The following LRP1B variants were observed in gnomAD, a reference collection of about 807,000 sequenced individuals.
LRP1B encodes the protein LDL receptor related protein 1B.
Under a neutral mutation model 556.6 loss-of-function variants are expected in LRP1B, and 217 were observed. The ratio of observed to expected loss-of-function variants is 0.39; its 90% CI spans 0.35 to 0.44. The LOEUF is 0.44. Ranked by LOEUF, LRP1B falls within the 20% of genes least tolerant of loss-of-function variation. The probability of loss-of-function intolerance (pLI) is 1.00; values close to 1 mark genes in which losing one functional copy is unlikely to be tolerated. For missense variants in LRP1B, 5,053 were observed against 5,620.8 expected (o/e 0.90, Z 3.23); for synonymous variants, 2,047 against 1,865.8 (o/e 1.10, Z -2.50).
rs1353305491 is a variant in LRP1B, at chr2:142,098,486, T to C, written c.82+32162A>G. ...TTTGGAGATTTTTTAAATGGCTCTT[T>C]AATTCGTTTTCGAATTAGAGAACAT... On this transcript the variant is annotated intron_variant, in intron 1 of 90. Transcript: ENST00000389484. 2.0e-5 allele frequency among the ~76,000 whole-genome samples: 3 copies of C among 151,844 alleles called. No homozygotes were observed. The East Asian group carries it at 5.8e-4, about 29-fold the overall frequency.
Position 140,850,198 on chromosome 2 carries a change from C to A in LRP1B, c.4843G>T (p.Ala1615Ser). 1 of 1,613,198 alleles carries A rather than the reference C, an allele frequency of 6.2e-7. No homozygotes were observed. Among genetic ancestry groups the A allele is most frequent in the South Asian group, 1.1e-5 (1 of 91,076 alleles). ...GTCCAGTATAAACGTTCCTCAGATG[C>A]ATCGAAGTCTATCACAGTAACGTCA... Reference protein sequence around the residue: ...IDDVTVIDFDASEERLYWTDI... With the variant: ...IDDVTVIDFDSSEERLYWTDI... Residue 1615 changes from alanine to serine, a missense_variant, in exon 29 of 91, where the codon GCA becomes TCA. Ala to Ser is a moderately conservative substitution (Grantham distance 99, BLOSUM62 1). Transcript: ENST00000389484.
intron 2 of LRP1B, among the ~76,000 whole-genome samples, chr2:141,781,129 G>T (rs1470856586): frequency 6.6e-6 from 1 of 151,956 alleles, no homozygotes; most frequent in Non-Finnish European, 1.5e-5. Context: ...ATTTTTCCTA[G>T]AACTCAAATT....
chr2:140,803,872 C>G (rs564343782), intron 32 of LRP1B, among the ~76,000 whole-genome samples: 1 of 143,134 alleles, frequency 7.0e-6, no homozygotes, highest in South Asian at 2.4e-4. Context: ...CCCCCACCCC[C>G]CCAACCCCCC....
intron 7 of LRP1B, among the ~76,000 whole-genome samples, chr2:141,151,691 G>T (rs1273163132): frequency 6.6e-6 from 1 of 151,932 alleles, no homozygotes; most frequent in African/African-American, 2.4e-5. Context: ...TCCCAGTCTC[G>T]AGCTAGTATT....
intron 84 of LRP1B, among the ~76,000 whole-genome samples, chr2:140,275,861 G>C (rs1024374662): frequency 6.6e-6 from 1 of 151,800 alleles, no homozygotes; most frequent in African/African-American, 2.4e-5. Context: ...TATACCCCTT[G>C]AACATGCATA....
At chr2:141,064,163 C>T (rs1451458907) in intron 7 of LRP1B, among the ~76,000 whole-genome samples, 1 of 151,854 alleles carries the variant, frequency 6.6e-6, no homozygotes, top group African/African-American at 2.4e-5. Flanking sequence ...TGTTCACAGA[C>T]ATCTAAAACA....
intron 47 of LRP1B, 34 bp from the exon 48 acceptor site, chr2:140,526,384 T>C (rs368795771): frequency 2.5e-6 from 3 of 1,187,024 alleles, no homozygotes; most frequent in Non-Finnish European, 3.8e-6. Context: ...AATGCAAAGA[T>C]GGGACAGAAT....
At chr2:140,652,804 T>G (rs1344714884) in intron 41 of LRP1B, among the ~76,000 whole-genome samples, 3 of 152,056 alleles carry the variant, frequency 2.0e-5, no homozygotes, top group Non-Finnish European at 4.4e-5. Flanking sequence ...TGTATCTTGA[T>G]AATGGAAAAA....
chr2:141,163,675 G>C lies in LRP1B; in HGVS notation c.1013+24746C>G, dbSNP rs1472185658. Among the ~76,000 whole-genome samples the C allele has an allele frequency of 3.3e-5, 5 of 151,974 alleles. No homozygotes were observed. The East Asian group carries it at 9.7e-4, about 29-fold the overall frequency. ...ATCTCATGAGATCTGATTTTATAAA[G>C]GGTTTCCCCTTTTATTTGGCTCGCA... On this transcript the variant is annotated intron_variant, in intron 7 of 90. Transcript: ENST00000389484.
At chr2:140,549,871 T>TC (rs758267613) in intron 43 of LRP1B, among the ~76,000 whole-genome samples, 4 of 152,112 alleles carry the variant, frequency 2.6e-5, no homozygotes, top group Non-Finnish European at 5.9e-5. Flanking sequence ...GTTTTTTTTT[T>TC]CAATACTTTA....
At chr2:141,677,929 G>C (rs1217581617) in intron 2 of LRP1B, among the ~76,000 whole-genome samples, 1 of 152,156 alleles carries the variant, frequency 6.6e-6, no homozygotes, top group Admixed American at 6.5e-5. Context: ...GAATGCAAGA[G>C]GTTTGAGTAG....
chr2:140,547,533 C>T (rs1358427452), intron 43 of LRP1B, among the ~76,000 whole-genome samples: 1 of 151,900 alleles, frequency 6.6e-6, no homozygotes, highest in Non-Finnish European at 1.5e-5. Context: ...TTATTTGGAT[C>T]TTTTCTCACT....
At chr2:140,269,856 A>G (rs1682380548) in intron 86 of LRP1B, among the ~76,000 whole-genome samples, 1 of 151,950 alleles carries the variant, frequency 6.6e-6, no homozygotes, top group South Asian at 2.1e-4. Context: ...CATTATACAT[A>G]TGAAAGAATA....
chr2:140,357,426 C>A (rs1333223719), intron 74 of LRP1B, among the ~76,000 whole-genome samples: 1 of 151,014 alleles, frequency 6.6e-6, no homozygotes, highest in East Asian at 2.0e-4. Flanking sequence ...CTTTTGTAAG[C>A]AAACTGAATT....
chr2:140,931,824 G>A (rs1695057904), intron 20 of LRP1B, among the ~76,000 whole-genome samples: 2 of 150,478 alleles, frequency 1.3e-5, no homozygotes, highest in Admixed American at 1.3e-4. Context: ...AAATATAAGT[G>A]GATAGATGTA....
intron 1 of LRP1B, among the ~76,000 whole-genome samples, chr2:141,884,608 T>C (rs1021205628): frequency 1.2e-4 from 19 of 152,202 alleles, no homozygotes; most frequent in Admixed American, 7.2e-4. Context: ...CTGTACTTCA[T>C]CGACTTTATC....
At chr2:140,854,001 G>A (rs1692537060) in intron 27 of LRP1B, among the ~76,000 whole-genome samples, 1 of 146,918 alleles carries the variant, frequency 6.8e-6, no homozygotes, top group Non-Finnish European at 1.5e-5. Flanking sequence ...CATATATCAA[G>A]TCAAGTTTAC....
At chr2:140,425,638 T>C (rs935110166) in intron 66 of LRP1B, among the ~76,000 whole-genome samples, 1 of 152,172 alleles carries the variant, frequency 6.6e-6, no homozygotes, top group African/African-American at 2.4e-5. Context: ...CTTGAACTCC[T>C]GACCTGGTGA....
intron 3 of LRP1B, among the ~76,000 whole-genome samples, chr2:141,476,124 G>C (rs13411666): frequency 0.51 from 77,644 of 151,768 alleles, 20,056 homozygotes; most frequent in Non-Finnish European, 0.55. Flanking sequence ...CTGCACCTGT[G>C]TGTCTGCGTG....
Sources: allele counts gnomAD v4.1 joint callset (sites outside exome capture counted in the v4.1 genomes callset), GRCh38; gene constraint gnomAD v4.1.1; transcripts MANE v1.5; gene names NCBI Gene and HGNC (gene_info 2026-07-23, HGNC 2026-07-21).